SMARCC1: variants seen among roughly 807,000 people sequenced by gnomAD.
The protein encoded by SMARCC1 is SWI/SNF complex subunit SMARCC1.
Under a neutral mutation model 147.4 loss-of-function variants are expected in SMARCC1, and 43 were observed. That is an observed-to-expected ratio of 0.29 (90% CI 0.23 to 0.38). SMARCC1 has a LOEUF of 0.38. Among genes scored for constraint, SMARCC1 ranks in the 10% least tolerant of loss-of-function variants. SMARCC1 has a pLI of 1.00. For synonymous variants in SMARCC1, 495 were observed against 484.4 expected, an observed-to-expected ratio of 1.02 and a Z score of -0.29; for missense variants, 1,119 against 1,381.1, an observed-to-expected ratio of 0.81 and a Z score of 3.01.
chr3:47,673,000 C>T (rs755138644), intron 18 of SMARCC1, among the ~76,000 whole-genome samples: 1 of 151,870 alleles, frequency 6.6e-6, no homozygotes, highest in East Asian at 1.9e-4. Flanking sequence ...CAGCCCGTTT[C>T]CTCTCTTGAT....
chr3:47,739,188 T>G (rs1445428443), intron 3 of SMARCC1, among the ~76,000 whole-genome samples: 1 of 152,240 alleles, frequency 6.6e-6, no homozygotes, highest in African/African-American at 2.4e-5. Context: ...TTGAGCAATT[T>G]GTTAACCCAA....
chr3:47,622,196 CA>C lies in SMARCC1; in HGVS notation c.2781+10del, dbSNP rs757303353. The C allele has an allele frequency of 6.3e-7, 1 of 1,593,376 alleles. No individual in the cohort carries two copies. Among genetic ancestry groups the C allele is most frequent in the Non-Finnish European group, 8.5e-7 (1 of 1,174,682 alleles). Reference sequence around the variant, plus strand: ...TTGTGAAAAAGCCACTAAAAAATTCCAAATACTTACAGCTTCTTTCTCTCTG... The same window carrying C: ...TTGTGAAAAAGCCACTAAAAAATTCCAATACTTACAGCTTCTTTCTCTCTG... On this transcript the variant is annotated intron_variant, in intron 25 of 27. Coordinates refer to ENST00000254480, the MANE Select transcript of SMARCC1 (RefSeq NM_003074.4).
chr3:47,705,895 C>T (rs886301061), intron 10 of SMARCC1, among the ~76,000 whole-genome samples: 32 of 151,948 alleles, frequency 2.1e-4, no homozygotes, highest in Non-Finnish European at 3.8e-4. Context: ...CTCATTTAAC[C>T]CTCAAAACAA....
Position 47,781,839 on chromosome 3 carries a change from C to T in SMARCC1, c.-42G>A. ...CCCCACAGCCTGGCCCACCCCGGCCCTCGCGGTGTTTCCCGGTCGTTCCCG... is the reference window on the plus strand; with the variant it reads ...CCCCACAGCCTGGCCCACCCCGGCCTTCGCGGTGTTTCCCGGTCGTTCCCG... On this transcript the variant is annotated 5_prime_UTR_variant, in exon 1 of 28. Transcript: ENST00000254480. The T allele has an allele frequency of 7.8e-7, 1 of 1,274,822 alleles. No homozygotes were observed. The highest frequency in any genetic ancestry group is 4.2e-5 in the Admixed American group (1 of 23,538). 79.0% of individuals were successfully genotyped at this position (1,274,822 alleles called of 1,614,324 possible).
At chr3:47,596,975 G>A (rs1198154243) in intron 26 of SMARCC1, among the ~76,000 whole-genome samples, 2 of 151,992 alleles carry the variant, frequency 1.3e-5, no homozygotes, top group South Asian at 4.1e-4. Context: ...GCAGGCAGAT[G>A]ACGAGGTCAG....
At chr3:47,619,445 C>A (rs1226499838) in intron 25 of SMARCC1, among the ~76,000 whole-genome samples, 6 of 152,214 alleles carry the variant, frequency 3.9e-5, no homozygotes, top group Non-Finnish European at 8.8e-5. Context: ...CAATTAAGCG[C>A]TCTGTGAGGC....
chr3:47,604,112 A>G (rs1253854646), intron 26 of SMARCC1: 1 of 456,756 alleles, frequency 2.2e-6, no homozygotes, highest in Admixed American at 2.3e-5. Flanking sequence ...TACAGGTGCC[A>G]GCTTATACCA....
chr3:47,640,772 G>A (rs933919969), intron 21 of SMARCC1, among the ~76,000 whole-genome samples: 7 of 151,880 alleles, frequency 4.6e-5, no homozygotes, highest in African/African-American at 1.5e-4. Context: ...CAGGGACAAC[G>A]GATAAGAAAT....
intron 11 of SMARCC1, among the ~76,000 whole-genome samples, chr3:47,700,137 G>A (rs564502897): frequency 4.0e-5 from 6 of 151,078 alleles, no homozygotes; most frequent in Admixed American, 6.6e-5. Context: ...ACCAGAAAAG[G>A]TTCTAATTCC....
chr3:47,732,925 C>G (rs971450851), intron 5 of SMARCC1, among the ~76,000 whole-genome samples: 1 of 151,330 alleles, frequency 6.6e-6, no homozygotes, highest in African/African-American at 2.4e-5. Context: ...CTGGCCAACA[C>G]AGTGAAACCC....
chr3:47,763,475 G>A (rs910572667), intron 2 of SMARCC1, among the ~76,000 whole-genome samples: 5 of 151,266 alleles, frequency 3.3e-5, no homozygotes, highest in African/African-American at 9.7e-5. Flanking sequence ...TTTAAAATAC[G>A]TCAGTATTAC....
Position 47,636,169 on chromosome 3 carries a change from T to C in SMARCC1, c.2377-33A>G. On this transcript the variant is annotated intron_variant, in intron 22 of 27. Transcript: ENST00000254480. ...GGATATAAAACAAGAGGACAGGCAGTGAACAAAAAAACCCCAGACCTTTTT... is the reference window on the plus strand; with the variant it reads ...GGATATAAAACAAGAGGACAGGCAGCGAACAAAAAAACCCCAGACCTTTTT... 1.6e-6 allele frequency: 2 copies of C among 1,239,438 alleles called. 1 individual carries two copies. Among genetic ancestry groups the C allele is most frequent in the South Asian group, 2.5e-5 (2 of 79,058 alleles). 76.8% of individuals were successfully genotyped at this position (1,239,438 alleles called of 1,614,324 possible). A position where few individuals can be genotyped will look rare whatever the true frequency, so the allele number is the denominator to read the frequency against.
At chr3:47,752,838 G>A (rs766732952) in intron 2 of SMARCC1, among the ~76,000 whole-genome samples, 13 of 152,090 alleles carry the variant, frequency 8.5e-5, no homozygotes, top group Non-Finnish European at 1.6e-4. Context: ...TATCTCAACA[G>A]CTGAACACTC....
chr3:47,722,489 G>A (rs1021976733), intron 6 of SMARCC1, among the ~76,000 whole-genome samples: 3 of 151,678 alleles, frequency 2.0e-5, no homozygotes, highest in African/African-American at 7.3e-5. Flanking sequence ...TAGAGACGGG[G>A]TTTCTCCATT....
chr3:47,655,134 G>C (rs1310624683), intron 21 of SMARCC1, among the ~76,000 whole-genome samples: 1 of 152,190 alleles, frequency 6.6e-6, no homozygotes, highest in Non-Finnish European at 1.5e-5. Flanking sequence ...ATATCCACTT[G>C]AACTGCCAAG....
Position 47,662,353 on chromosome 3 carries a change from A to G in SMARCC1, c.2139T>C (p.Ala713=), listed in dbSNP as rs1189110245. 1 of 1,614,168 alleles carries G rather than the reference A, an allele frequency of 6.2e-7. No individual in the cohort carries two copies. The change falls in exon 20 of 28, where the codon GCT becomes GCC. Residue 713 remains alanine, a synonymous_variant. Coordinates refer to ENST00000254480, the MANE Select transcript of SMARCC1 (RefSeq NM_003074.4). The part of the protein sequence containing the change: ...ASVVDPRVAS[A]AAKAALEEFS... ...CCATACCCAAAGCCGCTTTTGCTGC[A>G]GCAGATGCCACGCGAGGGTCCACCA...
intron 24 of SMARCC1, among the ~76,000 whole-genome samples, chr3:47,623,566 A>G (rs1160302163): frequency 6.6e-6 from 1 of 152,226 alleles, no homozygotes; most frequent in Non-Finnish European, 1.5e-5. Context: ...ATAGCTATTA[A>G]TGATCATGTC....
Position 47,781,799 on chromosome 3 carries a change from G to A in SMARCC1, c.-2C>T. 3 of 1,425,236 alleles carry A rather than the reference G, an allele frequency of 2.1e-6. No homozygotes were observed. The highest frequency in any genetic ancestry group is 3.3e-5 in the Admixed American group (1 of 30,748). 88.3% of individuals were successfully genotyped at this position (1,425,236 alleles called of 1,614,324 possible). On this transcript the variant is annotated 5_prime_UTR_variant, in exon 1 of 28. It adds an upstream start codon to the 5' untranslated region. Transcript: ENST00000254480. ...GCCGCCGCCCGCCGCTGCGGCCATC[G>A]TCGCAGCCCGTCGTCCCCACAGCCT...
Position 47,657,724 on chromosome 3 carries a change from A to C in SMARCC1, c.2320+3570T>G, listed in dbSNP as rs185988463. On this transcript the variant is annotated intron_variant, in intron 21 of 27. Coordinates refer to ENST00000254480, the MANE Select transcript of SMARCC1 (RefSeq NM_003074.4). ...GGTACTCGGGAGGCTGAGGCAAGAG[A>C]ATGGCTTGAACCTGGGAGGCAGAGG... 2.3e-3 allele frequency among the ~76,000 whole-genome samples: 356 copies of C among 152,178 alleles called. 2 individuals carry two copies. The highest frequency in any genetic ancestry group is 8.3e-3 in the African/African-American group (344 of 41,524).
Sources: gnomAD v4.1 joint callset for allele counts (sites outside exome capture counted in the v4.1 genomes callset) on GRCh38, gnomAD v4.1.1 for gene constraint, MANE v1.5 for transcripts, NCBI Gene and HGNC (gene_info 2026-07-23, HGNC 2026-07-21) for gene names.